The following NR5A2 variants were observed in gnomAD, a reference collection of about 807,000 sequenced individuals.
NR5A2 encodes the protein nuclear receptor subfamily 5 group A member 2, also known as CYP7A promoter-binding factor.
In NR5A2, 26 loss-of-function variants were observed where a neutral mutation model predicts 62.7. That is an observed-to-expected ratio of 0.41 (90% confidence interval 0.30 to 0.58). NR5A2 has a LOEUF of 0.58. Ranked by LOEUF, NR5A2 falls within the 20% of genes least tolerant of loss-of-function variation. The probability of loss-of-function intolerance (pLI) is 0.22; values close to 1 mark genes in which losing one functional copy is unlikely to be tolerated. For synonymous variants in NR5A2, 246 were observed against 241.7 expected, an observed-to-expected ratio of 1.02 and a Z score of -0.16; for missense variants, 541 against 669.1, an observed-to-expected ratio of 0.81 and a Z score of 2.11.
At position 200,147,776 on chromosome 1, in the gene NR5A2, G is replaced by T; in HGVS notation, c.1379-26187G>T. The T allele has an allele frequency of 9.3e-5, 1 of 10,750 alleles. No homozygotes were observed. The highest frequency in any genetic ancestry group is 0.02 in the East Asian group (1 of 50). The allele number at this position is 10,750 out of a possible 1,614,324, so 0.7% of individuals were successfully genotyped here. ...CGGATGCCGGCGCGAATGCCGGCAC[G>T]GATGCCGGCACGGTGGGCAGCCGCC... is the stretch of plus-strand genomic sequence containing the variant. On this transcript the variant is annotated intron_variant, in intron 7 of 7. Coordinates refer to ENST00000367362, the MANE Select transcript of NR5A2 (RefSeq NM_205860.3). This position sits in a 1 kb window ranked among gnomAD's most constrained non-coding sequence, Gnocchi z 4.9.
chr1:200,055,439 A>C (rs1662871288), intron 5 of NR5A2, among the ~76,000 whole-genome samples: 1 of 152,036 alleles, frequency 6.6e-6, no homozygotes. Context: ...CAGGTGATCC[A>C]CTAGCCTCGG....
At chr1:200,100,268 A>G (rs193152631) in intron 5 of NR5A2, among the ~76,000 whole-genome samples, 2 of 152,346 alleles carry the variant, frequency 1.3e-5, no homozygotes, top group African/African-American at 4.8e-5. Flanking sequence ...AACATTTTGC[A>G]TCACCTGAAA....
chr1:200,043,163 A>G (rs1366739870), intron 2 of NR5A2, among the ~76,000 whole-genome samples: 3 of 152,214 alleles, frequency 2.0e-5, no homozygotes, highest in African/African-American at 4.8e-5. Flanking sequence ...CAGAATAGAA[A>G]AGTACTGTCA....
intron 5 of NR5A2, among the ~76,000 whole-genome samples, chr1:200,106,626 C>CAG (rs1207314617): frequency 2.0e-5 from 3 of 152,122 alleles, no homozygotes; most frequent in Admixed American, 6.5e-5. Context: ...CTTCTTTGGT[C>CAG]TTCTTCCCAG....
rs1413636645 is a variant in NR5A2, at chr1:200,029,315, G to C, written c.64+1404G>C. 1.7e-5 allele frequency: 3 copies of C among 172,468 alleles called. No individual in the cohort carries two copies. In the East Asian group the frequency reaches 5.5e-4, roughly 32 times the overall value. The allele number at this position is 172,468 out of a possible 1,614,324, so 10.7% of individuals were successfully genotyped here. A position where few individuals can be genotyped will look rare whatever the true frequency, so the allele number is the denominator to read the frequency against. ...AGCTGGCCGCTGCCAAAATAGAGTT[G>C]AGCTGGGTCGGGAGACCACGCACGC... On this transcript the variant is annotated intron_variant, in intron 1 of 7. Transcript: ENST00000367362.
intron 5 of NR5A2, among the ~76,000 whole-genome samples, chr1:200,066,206 T>A (rs1040606446): frequency 6.6e-6 from 1 of 151,830 alleles, no homozygotes; most frequent in Admixed American, 6.6e-5. Context: ...AGAATGGAGA[T>A]GGGGGAGAAG....
Position 200,147,513 on chromosome 1 carries a change from C to G in NR5A2, c.1379-26450C>G, listed in dbSNP as rs1667761587. The G allele has an allele frequency of 6.1e-6, 4 of 655,092 alleles. No homozygotes were observed. The highest frequency in any genetic ancestry group is 1.2e-5 in the Non-Finnish European group (4 of 341,612). 40.6% of individuals were successfully genotyped at this position (655,092 alleles called of 1,614,324 possible). On this transcript the variant is annotated intron_variant, in intron 7 of 7. Transcript: ENST00000367362. This position sits in a 1 kb window ranked among gnomAD's most constrained non-coding sequence, Gnocchi z 4.9. Reference sequence around the variant, plus strand: ...ATCTGTTTCTTCATCCTTAAAATTTCTGCTGCTTTTGCTGTTTCTGTGATT... The same window carrying G: ...ATCTGTTTCTTCATCCTTAAAATTTGTGCTGCTTTTGCTGTTTCTGTGATT...
At chr1:200,074,756 A>AAAAAAAC (rs1304164782) in intron 5 of NR5A2, among the ~76,000 whole-genome samples, 9 of 137,634 alleles carry the variant, frequency 6.5e-5, no homozygotes, top group African/African-American at 2.1e-4. Flanking sequence ...AAAAAAAAAA[A>AAAAAAAC]CACGAGAGAA....
intron 7 of NR5A2, among the ~76,000 whole-genome samples, chr1:200,143,125 C>A (rs1457112648): frequency 1.3e-5 from 2 of 152,030 alleles, no homozygotes; most frequent in Non-Finnish European, 2.9e-5. Context: ...CTCTTGTTTC[C>A]GTCTCTTTCT....
chr1:200,166,675 C>T (rs777827751), intron 7 of NR5A2, among the ~76,000 whole-genome samples: 7 of 152,126 alleles, frequency 4.6e-5, no homozygotes, highest in African/African-American at 1.2e-4. Context: ...ATTCCTGCTC[C>T]GCCCGAGGGA....
At chr1:200,088,961 T>G (rs1414263412) in intron 5 of NR5A2, among the ~76,000 whole-genome samples, 2 of 152,190 alleles carry the variant, frequency 1.3e-5, no homozygotes. Context: ...CCTCTCTGAG[T>G]GCACCTTGCT....
At chr1:200,059,352 C>G (rs1473663214) in intron 5 of NR5A2, among the ~76,000 whole-genome samples, 2 of 152,182 alleles carry the variant, frequency 1.3e-5, no homozygotes, top group Non-Finnish European at 1.5e-5. Flanking sequence ...TCCCAACCTC[C>G]CAGTGCTCGG....
At chr1:200,142,188 CTTTTTTTTTTTT>C (rs535827114) in intron 7 of NR5A2, among the ~76,000 whole-genome samples, 41 of 55,420 alleles carry the variant, frequency 7.4e-4, no homozygotes, top group South Asian at 1.8e-3. Flanking sequence ...TTAAAGACTT[CTTTTTTTTTTTT>C]TTTTTTTTTT....
Position 200,039,736 on chromosome 1 carries a change from A to G in NR5A2, c.143A>G (p.Glu48Gly), listed in dbSNP as rs764447525. 6.2e-7 allele frequency: 1 copy of G among 1,611,892 alleles called. No homozygotes were observed. Among genetic ancestry groups the G allele is most frequent in the Non-Finnish European group, 8.5e-7 (1 of 1,179,036 alleles). ...GTCATGCTGCCCAAAGTGGAGACGG[A>G]AGCCCTGGGACTGGCTCGATCGCAT... ...RLVMLPKVET[E>G]ALGLARSHGE... The change falls in exon 2 of 8, where the codon GAA becomes GGA. Residue 48 changes from glutamate (E) to glycine (G), a missense_variant. Coordinates refer to ENST00000367362, the MANE Select transcript of NR5A2 (RefSeq NM_205860.3). The surrounding 1 kb of genome is among the most constrained non-coding windows in gnomAD (Gnocchi z 5.1).
intron 5 of NR5A2, among the ~76,000 whole-genome samples, chr1:200,062,457 T>A (rs1292008608): frequency 2.6e-5 from 4 of 152,232 alleles, no homozygotes; most frequent in African/African-American, 2.4e-5. Context: ...AAAGTTGTGA[T>A]GAATAAGAGG....
intron 5 of NR5A2, among the ~76,000 whole-genome samples, chr1:200,075,980 CA>C (rs1306228270): frequency 6.6e-6 from 1 of 151,186 alleles, no homozygotes; most frequent in Non-Finnish European, 1.5e-5. Flanking sequence ...TTGATTTTAA[CA>C]AGAAGCTAAA....
intron 6 of NR5A2, among the ~76,000 whole-genome samples, chr1:200,119,504 C>T (rs1666386323): frequency 6.6e-6 from 1 of 152,170 alleles, no homozygotes; most frequent in African/African-American, 2.4e-5. Context: ...ACCAACTGGG[C>T]TTTCCCATTA....
At chr1:200,082,271 A>T (rs775055160) in intron 5 of NR5A2, among the ~76,000 whole-genome samples, 4 of 152,250 alleles carry the variant, frequency 2.6e-5, no homozygotes, top group Non-Finnish European at 4.4e-5. Flanking sequence ...GATAAAACAG[A>T]TGCACTATTT....
chr1:200,045,166 A>AT (rs1382968789), intron 3 of NR5A2, among the ~76,000 whole-genome samples: 13 of 152,104 alleles, frequency 8.5e-5, no homozygotes, highest in Non-Finnish European at 1.2e-4. Flanking sequence ...TATAGAGTGT[A>AT]TTTTTTCTGA....
Sources: allele counts gnomAD v4.1 joint callset (sites outside exome capture counted in the v4.1 genomes callset), GRCh38; gene constraint gnomAD v4.1.1; non-coding constraint Gnocchi (gnomAD v3.1); transcripts MANE v1.5; gene names NCBI Gene and HGNC (gene_info 2026-07-23, HGNC 2026-07-21).